Variants in ANKRD17 observed in about 807,000 individuals in gnomAD.
ANKRD17 encodes ankyrin repeat domain 17, also known as ankyrin repeat domain-containing protein 17.
In ANKRD17, 19 loss-of-function variants were observed where a neutral mutation model predicts 229.7. The ratio of observed to expected loss-of-function variants is 0.08; its 90% CI spans 0.06 to 0.12. The LOEUF is 0.12. Ranked by LOEUF, ANKRD17 falls within the 10% of genes least tolerant of loss-of-function variation. The pLI is 1.00. For missense variants in ANKRD17, 2,176 were observed against 3,176.8 expected (o/e 0.68, Z 7.57); for synonymous variants, 1,112 against 1,146.1 (o/e 0.97, Z 0.60).
At chr4:73,257,486 G>T (rs1745557897) in intron 1 of ANKRD17, among the ~76,000 whole-genome samples, 2 of 152,144 alleles carry the variant, frequency 1.3e-5, no homozygotes, top group Non-Finnish European at 2.9e-5. Context: ...CATATTACGG[G>T]ACAACAGGTC....
intron 15 of ANKRD17, among the ~76,000 whole-genome samples, chr4:73,137,016 T>C (rs555044799): frequency 5.6e-4 from 84 of 151,320 alleles, no homozygotes; most frequent in African/African-American, 1.9e-3. Flanking sequence ...AAATTGGTTG[T>C]TCTTATCACC....
chr4:73,239,691 C>T (rs1055397699), intron 1 of ANKRD17, among the ~76,000 whole-genome samples: 1 of 152,056 alleles, frequency 6.6e-6, no homozygotes, highest in African/African-American at 2.4e-5. Context: ...TCTTCCTCTA[C>T]TGTTTAAATT....
intron 1 of ANKRD17, among the ~76,000 whole-genome samples, chr4:73,239,644 C>T (rs918694290): frequency 2.6e-5 from 4 of 152,074 alleles, no homozygotes; most frequent in African/African-American, 9.7e-5. Flanking sequence ...ACAATTTACA[C>T]CTAGGGATAT....
intron 1 of ANKRD17, among the ~76,000 whole-genome samples, chr4:73,213,819 T>G (rs932486824): frequency 6.6e-6 from 1 of 152,184 alleles, no homozygotes; most frequent in Non-Finnish European, 1.5e-5. Flanking sequence ...TATCTGAATT[T>G]TATTTTTCAT....
chr4:73,136,886 T>TA (rs559619911), intron 15 of ANKRD17, among the ~76,000 whole-genome samples: 11 of 151,524 alleles, frequency 7.3e-5, no homozygotes, highest in Admixed American at 2.6e-4. Flanking sequence ...CTAAACAGGT[T>TA]AAAAAAAATC....
chr4:73,254,756 G>A (rs1214538594), intron 1 of ANKRD17, among the ~76,000 whole-genome samples: 2 of 145,616 alleles, frequency 1.4e-5, no homozygotes, highest in South Asian at 2.1e-4. Context: ...CAACAAGAGC[G>A]AAACTCCGTC....
chr4:73,181,716 C>T (rs1480632869), intron 1 of ANKRD17, among the ~76,000 whole-genome samples: 1 of 151,890 alleles, frequency 6.6e-6, no homozygotes. Context: ...ACTTCTGGAA[C>T]ATAACAAACA....
intron 2 of ANKRD17, among the ~76,000 whole-genome samples, chr4:73,166,942 C>T (rs1733311512): frequency 6.6e-6 from 1 of 151,938 alleles, no homozygotes; most frequent in African/African-American, 2.4e-5. Context: ...GAAGAAATCT[C>T]AACATTGACA....
intron 1 of ANKRD17, among the ~76,000 whole-genome samples, chr4:73,233,872 G>A (rs549424058): frequency 9.9e-5 from 15 of 152,102 alleles, no homozygotes; most frequent in Middle Eastern, 6.8e-3. Flanking sequence ...TTGATTTTCC[G>A]TATTTTTTCC....
At chr4:73,162,936 T>C (rs1732727739) in intron 2 of ANKRD17, among the ~76,000 whole-genome samples, 1 of 151,926 alleles carries the variant, frequency 6.6e-6, no homozygotes, top group Admixed American at 6.6e-5. Flanking sequence ...CATGGTTCAC[T>C]GCAGCCTCGA....
chr4:73,226,101 G>A lies in ANKRD17; in HGVS notation c.393+32175C>T, dbSNP rs532974132. ...AGCAATTCTCCTGCCTCAGCTTCCCGAGTAGCTGGGACTACAGGCGCGTGC... is the reference window on the plus strand; with the variant it reads ...AGCAATTCTCCTGCCTCAGCTTCCCAAGTAGCTGGGACTACAGGCGCGTGC... On this transcript the variant is annotated intron_variant, in intron 1 of 33. Transcript: ENST00000358602. Among the ~76,000 whole-genome samples, 323 of 144,880 alleles carry A rather than the reference G, an allele frequency of 2.2e-3. 1 individual carries two copies. Among genetic ancestry groups the A allele is most frequent in the South Asian group, 6.6e-3 (29 of 4,420 alleles).
intron 1 of ANKRD17, among the ~76,000 whole-genome samples, chr4:73,230,578 T>A (rs967853445): frequency 6.6e-6 from 1 of 152,148 alleles, no homozygotes; most frequent in Admixed American, 6.6e-5. Context: ...CTTCAATGAT[T>A]TTTTTCTCTA....
chr4:73,225,007 G>T (rs1742320615), intron 1 of ANKRD17, among the ~76,000 whole-genome samples: 2 of 152,204 alleles, frequency 1.3e-5, no homozygotes, highest in South Asian at 4.1e-4. Flanking sequence ...GCAAACAAAT[G>T]ACACTATGTT....
rs770483966 is a variant in ANKRD17 at position 73,177,390 on chromosome 4, T to C, written c.537A>G (p.Leu179=). The change falls in exon 2 of 34, where the codon CTA becomes CTG. Residue 179 remains leucine, a synonymous_variant. Coordinates refer to ENST00000358602, the MANE Select transcript of ANKRD17 (RefSeq NM_032217.5). ...PETQARLEAL[L]EAAGIGKLST... is the part of the protein sequence containing the mutation. The stretch of plus-strand genomic sequence containing the variant: ...ATGTAGAGTACATACCTGCAGCTTC[T>C]AGTAAAGCTTCCAGTCTAGCCTGTG... 8 of 1,609,072 alleles carry C rather than the reference T, an allele frequency of 5.0e-6. No homozygotes were observed. The highest frequency in any genetic ancestry group is 4.5e-5 in the East Asian group (2 of 44,820).
In ANKRD17 at chr4:73,153,969, A is replaced by G; in HGVS notation, c.1145T>C (p.Val382Ala). 1 of 1,613,740 alleles carries G rather than the reference A, an allele frequency of 6.2e-7. No individual in the cohort carries two copies. The highest frequency in any genetic ancestry group is 8.5e-7 in the Non-Finnish European group (1 of 1,179,848). Residue 382 changes from valine (V) to alanine (A), a missense_variant, in exon 6 of 34, where the codon GTA (valine) becomes GCA (alanine). By Grantham distance (64) the Val-to-Ala change is moderately conservative. Coordinates refer to ENST00000358602, the MANE Select transcript of ANKRD17 (RefSeq NM_032217.5). Reference sequence around the variant, plus strand: ...CCCATTTTCTAGCAGCAATCTGGCTACTTCCACATGTCCAGCACTTCCAGC... The same window carrying G: ...CCCATTTTCTAGCAGCAATCTGGCTGCTTCCACATGTCCAGCACTTCCAGC... Reference protein sequence around the residue: ...MEAGSAGHVEVARLLLENGAG... With the variant: ...MEAGSAGHVEAARLLLENGAG...
At chr4:73,198,603 A>G (rs1274917537) in intron 1 of ANKRD17, among the ~76,000 whole-genome samples, 1 of 152,210 alleles carries the variant, frequency 6.6e-6, no homozygotes, top group Non-Finnish European at 1.5e-5. Context: ...ACTCAACATT[A>G]CTATTTCAAG....
At chr4:73,208,062 G>A (rs1014972152) in intron 1 of ANKRD17, among the ~76,000 whole-genome samples, 4 of 151,948 alleles carry the variant, frequency 2.6e-5, no homozygotes, top group Admixed American at 6.5e-5. Context: ...GGTGGTGGGC[G>A]CCTGTAGTCC....
chr4:73,202,290 T>C (rs1244203291), intron 1 of ANKRD17, among the ~76,000 whole-genome samples: 2 of 124,912 alleles, frequency 1.6e-5, no homozygotes, highest in African/African-American at 6.3e-5. Flanking sequence ...CCTAGCAGTA[T>C]TTACCAAACC....
At chr4:73,185,099 G>C (rs1736113449) in intron 1 of ANKRD17, among the ~76,000 whole-genome samples, 1 of 151,844 alleles carries the variant, frequency 6.6e-6, no homozygotes, top group African/African-American at 2.4e-5. Flanking sequence ...CTTTATAAAA[G>C]TAAAATGCTG....
Sources: allele counts gnomAD v4.1 joint callset (sites outside exome capture counted in the v4.1 genomes callset), GRCh38; gene constraint gnomAD v4.1.1; transcripts MANE v1.5; gene names NCBI Gene and HGNC (gene_info 2026-07-23, HGNC 2026-07-21).